F2R: variants seen among roughly 807,000 people sequenced by gnomAD.
The protein encoded by F2R is proteinase-activated receptor 1.
A neutral mutation model predicts 18.3 loss-of-function variants in F2R; 12 were observed. That is an observed-to-expected ratio of 0.66 (90% CI 0.42 to 1.06). The LOEUF (loss-of-function observed/expected upper bound fraction) is 1.06. F2R is among the 50% of genes least tolerant of loss of function. The pLI is 0.00. For missense variants in F2R, 438 were observed against 530.8 expected, an observed-to-expected ratio of 0.83 and a Z score of 1.72; for synonymous variants, 210 against 219.9, an observed-to-expected ratio of 0.95 and a Z score of 0.40.
At chr5:76,725,622 A>AT (rs2227779) in intron 1 of F2R, among the ~76,000 whole-genome samples, 121,117 of 151,936 alleles carry the variant, frequency 0.8, 48,699 homozygotes, top group African/African-American at 0.91. Flanking sequence ...TATATACTAC[A>AT]TTTTTTCTTT....
At position 76,716,253 on chromosome 5, in the gene F2R, G is replaced by A. The variant is rs553347431; in HGVS notation, c.-55G>A. The stretch of plus-strand genomic sequence containing the variant: ...AGAAGTCAGGAGAGAGGGTGAAGCG[G>A]AGCAGCCCGAGGCGGGGCAGCCTCC... On this transcript the variant is annotated 5_prime_UTR_variant, in exon 1 of 2. Coordinates refer to ENST00000319211, the MANE Select transcript of F2R (RefSeq NM_001992.5). 1.6e-4 allele frequency: 205 copies of A among 1,301,444 alleles called. No homozygotes were observed. Among genetic ancestry groups the A allele is most frequent in the Admixed American group, 8.6e-4 (21 of 24,380 alleles). The allele number at this position is 1,301,444 out of a possible 1,614,324, so 80.6% of individuals were successfully genotyped here. A position where few individuals can be genotyped will look rare whatever the true frequency, so the allele number is the denominator to read the frequency against.
In F2R at chr5:76,733,391, A is replaced by C. The variant is rs773332925; in HGVS notation, c.1166A>C (p.Lys389Thr). Residue 389 changes from lysine (K) to threonine (T), a missense_variant, in exon 2 of 2, where the codon AAA becomes ACA. Coordinates refer to ENST00000319211, the MANE Select transcript of F2R (RefSeq NM_001992.5). Reference sequence around the variant, plus strand: ...TACGTCTACAGTATCTTATGCTGCAAAGAAAGTTCCGATCCCAGCAGTTAT... The same window carrying C: ...TACGTCTACAGTATCTTATGCTGCACAGAAAGTTCCGATCCCAGCAGTTAT... ...QRYVYSILCCKESSDPSSYNS... is the reference protein window; with the variant it reads ...QRYVYSILCCTESSDPSSYNS... The C allele has an allele frequency of 3.7e-6, 6 of 1,614,208 alleles. No individual in the cohort carries two copies. The highest frequency in any genetic ancestry group is 3.4e-6 in the Non-Finnish European group (4 of 1,180,038).
At position 76,716,270 on chromosome 5, in the gene F2R, G is replaced by A. The variant is rs1800819; in HGVS notation, c.-38G>A. The A allele has an allele frequency of 1.5e-4, 204 of 1,334,786 alleles. No individual in the cohort carries two copies. Among genetic ancestry groups the A allele is most frequent in the Non-Finnish European group, 1.7e-4 (179 of 1,046,340 alleles). The allele number at this position is 1,334,786 out of a possible 1,614,324, so 82.7% of individuals were successfully genotyped here. ...GTGAAGCGGAGCAGCCCGAGGCGGGGCAGCCTCCCGGAGCAGCGCCGCGCA... is the reference window on the plus strand; with the variant it reads ...GTGAAGCGGAGCAGCCCGAGGCGGGACAGCCTCCCGGAGCAGCGCCGCGCA... On this transcript the variant is annotated 5_prime_UTR_variant, in exon 1 of 2. Transcript: ENST00000319211.
Position 76,735,054 on chromosome 5 carries a change from A to G in F2R, c.*1551A>G, listed in dbSNP as rs572209910. On this transcript the variant is annotated 3_prime_UTR_variant, in exon 2 of 2. Transcript: ENST00000319211. Reference sequence around the variant, plus strand: ...AAAAGCATTTTTTAACCTCCTAAGTATCAAGTATAGAAAATCTTCATGGAA... The same window carrying G: ...AAAAGCATTTTTTAACCTCCTAAGTGTCAAGTATAGAAAATCTTCATGGAA... 1.3e-5 allele frequency: 2 copies of G among 152,514 alleles called. No homozygotes were observed. Among genetic ancestry groups the G allele is most frequent in the South Asian group, 2.1e-4 (1 of 4,834 alleles). 9.4% of individuals were successfully genotyped at this position (152,514 alleles called of 1,614,324 possible).
intron 1 of F2R, among the ~76,000 whole-genome samples, chr5:76,719,039 C>T (rs1236932671): frequency 6.6e-6 from 1 of 152,170 alleles, no homozygotes. Flanking sequence ...CTTCAAGGAG[C>T]TATGCTTTCT....
At position 76,733,043 on chromosome 5, in the gene F2R, C is replaced by T. The variant is rs755299108; in HGVS notation, c.818C>T (p.Ala273Val). The T allele has an allele frequency of 6.8e-5, 110 of 1,614,154 alleles. 2 individuals carry two copies. The South Asian group carries it at 1.1e-3, about 17-fold the overall frequency. The change falls in exon 2 of 2, where the codon GCC becomes GTC. Residue 273 changes from alanine (A) to valine (V), a missense_variant. Transcript: ENST00000319211. ...GGCTACTATGCCTACTACTTCTCAG[C>T]CTTCTCTGCTGTCTTCTTTTTTGTG... ...LEGYYAYYFSAFSAVFFFVPL... is the reference protein window; with the variant it reads ...LEGYYAYYFSVFSAVFFFVPL...
In F2R at chr5:76,735,621, A is replaced by G. The variant is rs534837182; in HGVS notation, c.*2118A>G. The G allele has an allele frequency of 6.6e-5, 10 of 152,342 alleles. No homozygotes were observed. Among genetic ancestry groups the G allele is most frequent in the African/African-American group, 2.4e-4 (10 of 41,596 alleles). The allele number at this position is 152,342 out of a possible 1,614,324, so 9.4% of individuals were successfully genotyped here. On this transcript the variant is annotated 3_prime_UTR_variant, in exon 2 of 2. Coordinates refer to ENST00000319211, the MANE Select transcript of F2R (RefSeq NM_001992.5). ...AATTTAGTGACTATTCATTTTATCTAAATCAGTGAAGATTTACTGTCATTG... is the reference window on the plus strand; with the variant it reads ...AATTTAGTGACTATTCATTTTATCTGAATCAGTGAAGATTTACTGTCATTG...
Position 76,734,155 on chromosome 5 carries a change from G to T in F2R, c.*652G>T, listed in dbSNP as rs1370030874. The T allele has an allele frequency of 6.6e-6, 1 of 152,452 alleles. No individual in the cohort carries two copies. Among genetic ancestry groups the T allele is most frequent in the Non-Finnish European group, 1.5e-5 (1 of 68,140 alleles). 9.4% of individuals were successfully genotyped at this position (152,452 alleles called of 1,614,324 possible). A position where few individuals can be genotyped will look rare whatever the true frequency, so the allele number is the denominator to read the frequency against. ...CTAAAATTATGGAAACAGATGAAAA[G>T]CCTCTGTTTTGATATGGGTAGTATT... On this transcript the variant is annotated 3_prime_UTR_variant, in exon 2 of 2. Transcript: ENST00000319211.
intron 1 of F2R, among the ~76,000 whole-genome samples, chr5:76,726,800 A>T (rs1580892205): frequency 6.6e-6 from 1 of 152,200 alleles, no homozygotes. Flanking sequence ...AAAATAAAAA[A>T]AAATGTTTAA....
intron 1 of F2R, among the ~76,000 whole-genome samples, chr5:76,730,671 C>T (rs998225118): frequency 1.3e-5 from 2 of 152,188 alleles, no homozygotes; most frequent in African/African-American, 4.8e-5. Context: ...CTGACACTAT[C>T]TATCTACCTG....
rs979011519 is a variant in F2R, at chr5:76,733,684, C to T, written c.*181C>T. ...TTTTTGTCAATTACCAGAAAGATAA[C>T]AGGACGAGATGACGGTGTTATTCCA... On this transcript the variant is annotated 3_prime_UTR_variant, in exon 2 of 2. Coordinates refer to ENST00000319211, the MANE Select transcript of F2R (RefSeq NM_001992.5). 5.1e-6 allele frequency: 3 copies of T among 587,518 alleles called. No individual in the cohort carries two copies. Among genetic ancestry groups the T allele is most frequent in the African/African-American group, 3.7e-5 (2 of 53,680 alleles). 36.4% of individuals were successfully genotyped at this position (587,518 alleles called of 1,614,324 possible).
chr5:76,720,531 A>G (rs1282473397), intron 1 of F2R, among the ~76,000 whole-genome samples: 2 of 152,146 alleles, frequency 1.3e-5, no homozygotes, highest in Non-Finnish European at 2.9e-5. Context: ...CACATAACAT[A>G]AAATTAACCA....
chr5:76,723,757 C>T (rs1042887127), intron 1 of F2R, among the ~76,000 whole-genome samples: 1 of 152,150 alleles, frequency 6.6e-6, no homozygotes, highest in Admixed American at 6.5e-5. Flanking sequence ...AATAAACATG[C>T]ATACAGTATT....
At chr5:76,722,905 C>T (rs1370814122) in intron 1 of F2R, among the ~76,000 whole-genome samples, 1 of 150,346 alleles carries the variant, frequency 6.7e-6, no homozygotes, top group Non-Finnish European at 1.5e-5. Flanking sequence ...AAGCCAAGAT[C>T]GTGCCACTGC....
chr5:76,716,953 C>T (rs1425570874), intron 1 of F2R, among the ~76,000 whole-genome samples: 1 of 152,092 alleles, frequency 6.6e-6, no homozygotes, highest in Non-Finnish European at 1.5e-5. Context: ...CCAGGAGGTG[C>T]GCAGGGTGCG....
chr5:76,729,287 G>T (rs1276105969), intron 1 of F2R, among the ~76,000 whole-genome samples: 3 of 151,972 alleles, frequency 2.0e-5, no homozygotes, highest in East Asian at 1.9e-4. Context: ...TATACTTGTT[G>T]GCCATTTGTA....
chr5:76,727,770 T>C (rs1256130177), intron 1 of F2R, among the ~76,000 whole-genome samples: 1 of 151,904 alleles, frequency 6.6e-6, no homozygotes, highest in Non-Finnish European at 1.5e-5. Context: ...TTTCTTTTTT[T>C]TTTTTTTTGC....
chr5:76,724,002 C>CT (rs1376138382), intron 1 of F2R, among the ~76,000 whole-genome samples: 1 of 152,160 alleles, frequency 6.6e-6, no homozygotes, highest in Non-Finnish European at 1.5e-5. Context: ...GATTAGAACT[C>CT]TTTTTTCCAC....
At chr5:76,730,975 T>C (rs573068662) in intron 1 of F2R, among the ~76,000 whole-genome samples, 1 of 152,356 alleles carries the variant, frequency 6.6e-6, no homozygotes, top group South Asian at 2.1e-4. Flanking sequence ...AGAGTTTCCA[T>C]GCCCTCTCTT....
Sources: gnomAD v4.1 joint callset for allele counts (sites outside exome capture counted in the v4.1 genomes callset) on GRCh38, gnomAD v4.1.1 for gene constraint, MANE v1.5 for transcripts, NCBI Gene and HGNC (gene_info 2026-07-23, HGNC 2026-07-21) for gene names.